The following PKHD1 variants were observed in gnomAD, a reference collection of about 807,000 sequenced individuals.
The protein encoded by PKHD1 is PKHD1 ciliary IPT domain containing fibrocystin/polyductin.
In PKHD1, 291 loss-of-function variants were observed where a neutral mutation model predicts 412.0. The observed-to-expected ratio is 0.71, with a 90% confidence interval of 0.64 to 0.78. The LOEUF is 0.78. PKHD1 is among the 30% of genes least tolerant of loss of function. The probability of loss-of-function intolerance (pLI) is 0.00; values close to 1 mark genes in which losing one functional copy is unlikely to be tolerated. For missense variants in PKHD1, 4,825 were observed against 4,950.7 expected, an observed-to-expected ratio of 0.97 and a Z score of 0.76; for synonymous variants, 1,777 against 1,821.5, an observed-to-expected ratio of 0.98 and a Z score of 0.62.
rs979052480 is a variant in PKHD1, at chr6:52,054,159, G to A, written c.1843C>T (p.Leu615Phe). The A allele has an allele frequency of 6.2e-7, 1 of 1,613,940 alleles. No individual in the cohort carries two copies. The highest frequency in any genetic ancestry group is 1.3e-5 in the African/African-American group (1 of 75,056). Residue 615 changes from leucine to phenylalanine, a missense_variant, in exon 20 of 67, where the codon CTT (leucine) becomes TTT (phenylalanine). Transcript: ENST00000371117. ...YRLDQYTHLC[L>F]AYKGHMNKIL... ...TTGTTCATGTGGCCTTTGTATGCAA[G>A]ACACAGCTATGGACACCAAATAAGT...
At chr6:51,790,294 AT>A (rs1793539106) in intron 53 of PKHD1, among the ~76,000 whole-genome samples, 1 of 152,164 alleles carries the variant, frequency 6.6e-6, no homozygotes, top group African/African-American at 2.4e-5. Context: ...TCTTTTCAGC[AT>A]TTATACCTAT....
chr6:52,059,900 A>G (rs1371909539), intron 15 of PKHD1, 28 bp downstream of exon 15: 1 of 1,114,970 alleles, frequency 9.0e-7, no homozygotes, highest in South Asian at 1.2e-5. Flanking sequence ...GGCAACAGAG[A>G]AAAGGAAAAT....
intron 48 of PKHD1, 53 bp downstream of exon 48, chr6:51,867,810 A>G (rs751439923): frequency 3.3e-6 from 5 of 1,537,252 alleles, no homozygotes; most frequent in Non-Finnish European, 4.5e-6. Context: ...GACAGCCAGA[A>G]TAACAGATGC....
At chr6:52,001,603 T>G (rs1465423412) in intron 35 of PKHD1, among the ~76,000 whole-genome samples, 1 of 152,018 alleles carries the variant, frequency 6.6e-6, no homozygotes, top group African/African-American at 2.4e-5. Context: ...CTAATTTTTT[T>G]TGTATTTTTA....
At chr6:51,910,180 CA>C (rs1447305363) in intron 39 of PKHD1, among the ~76,000 whole-genome samples, 18 of 152,064 alleles carry the variant, frequency 1.2e-4, no homozygotes, top group African/African-American at 4.3e-4. Flanking sequence ...CTATTGCTAC[CA>C]AAATGTTGTG....
At chr6:51,831,073 T>A in intron 51 of PKHD1, 84 bp from the exon 52 acceptor site, 1 of 990,770 alleles carries the variant, frequency 1.0e-6, no homozygotes, top group Middle Eastern at 2.9e-4. Flanking sequence ...GCTAGTGGTA[T>A]TTTCACCTCC....
intron 43 of PKHD1, among the ~76,000 whole-genome samples, chr6:51,889,974 C>T (rs1367837820): frequency 6.6e-6 from 1 of 151,364 alleles, no homozygotes; most frequent in Non-Finnish European, 1.5e-5. Context: ...CAGCTCAGTG[C>T]AAGTTATATT....
chr6:52,012,245 A>G (rs922050267), intron 34 of PKHD1, among the ~76,000 whole-genome samples: 1 of 152,262 alleles, frequency 6.6e-6, no homozygotes, highest in Non-Finnish European at 1.5e-5. Context: ...AAAATGAAGC[A>G]TATAAATAGA....
chr6:51,694,548 CTTTTT>C (rs67157925), intron 60 of PKHD1, among the ~76,000 whole-genome samples: 1 of 37,690 alleles, frequency 2.7e-5, no homozygotes, highest in Admixed American at 5.5e-4. Flanking sequence ...CACAACCAGC[CTTTTT>C]TTTTTTTTTT....
intron 32 of PKHD1, 112 bp downstream of exon 32, chr6:52,024,462 T>A: frequency 2.0e-6 from 2 of 1,017,708 alleles, no homozygotes; most frequent in Non-Finnish European, 3.1e-6. Flanking sequence ...GCCAGTGGGC[T>A]TCTCTTTCCT....
chr6:52,043,830 T>G, intron 25 of PKHD1, 100 bp from the exon 26 acceptor site: 1 of 785,796 alleles, frequency 1.3e-6, no homozygotes, highest in Non-Finnish European at 2.2e-6. Flanking sequence ...CACGTGTTCA[T>G]GATTCGCTAA....
intron 53 of PKHD1, among the ~76,000 whole-genome samples, chr6:51,778,727 A>G (rs1190545111): frequency 6.6e-6 from 1 of 152,128 alleles, no homozygotes; most frequent in Admixed American, 6.6e-5. Flanking sequence ...ATAAGAAAAA[A>G]AGGCATTTCA....
chr6:52,081,626 C>T (rs549807415), intron 4 of PKHD1, among the ~76,000 whole-genome samples: 4 of 152,182 alleles, frequency 2.6e-5, no homozygotes, highest in East Asian at 1.9e-4. Context: ...CACACATACA[C>T]CCTGTGGATG....
chr6:51,929,085 G>A (rs577074333), intron 37 of PKHD1, among the ~76,000 whole-genome samples: 1 of 152,228 alleles, frequency 6.6e-6, no homozygotes, highest in East Asian at 1.9e-4. Context: ...AAGGAAAGGG[G>A]CAAGAGGAGA....
intron 53 of PKHD1, among the ~76,000 whole-genome samples, chr6:51,788,875 C>G (rs1407046919): frequency 6.6e-6 from 1 of 152,172 alleles, no homozygotes; most frequent in African/African-American, 2.4e-5. Context: ...TAATATCCCT[C>G]TGAAGAAGGT....
intron 46 of PKHD1, among the ~76,000 whole-genome samples, chr6:51,871,958 G>A (rs143232156): frequency 0.028 from 4,074 of 145,824 alleles, 1,305 homozygotes; most frequent in Non-Finnish European, 0.047. Flanking sequence ...TGGCCTTGGA[G>A]AAATAAGTAT....
intron 63 of PKHD1, among the ~76,000 whole-genome samples, chr6:51,642,638 G>A (rs774421498): frequency 6.6e-6 from 1 of 152,082 alleles, no homozygotes; most frequent in African/African-American, 2.4e-5. Context: ...TCAGGATTTC[G>A]AGACCAGCTT....
intron 52 of PKHD1, among the ~76,000 whole-genome samples, chr6:51,797,058 C>T (rs976506145): frequency 1.3e-5 from 2 of 152,136 alleles, no homozygotes; most frequent in African/African-American, 4.8e-5. Context: ...AGGCAATCCA[C>T]CCACCTCAGC....
chr6:51,681,345 C>G (rs1404655568), intron 60 of PKHD1, among the ~76,000 whole-genome samples: 2 of 151,986 alleles, frequency 1.3e-5, no homozygotes, highest in Non-Finnish European at 2.9e-5. Context: ...TGCCACCAAC[C>G]CTGAATAAAC....
Sources: gnomAD v4.1 joint callset for allele counts (sites outside exome capture counted in the v4.1 genomes callset) on GRCh38, gnomAD v4.1.1 for gene constraint, MANE v1.5 for transcripts, NCBI Gene and HGNC (gene_info 2026-07-23, HGNC 2026-07-21) for gene names.